Variants in PRSS33 observed in about 807,000 individuals in gnomAD.
PRSS33 encodes serine protease 33.
PRSS33 carries 32 observed loss-of-function variants against 26.7 expected under a neutral mutation model. The observed-to-expected ratio is 1.20, with a 90% CI of 0.90 to 1.61. The LOEUF (loss-of-function observed/expected upper bound fraction) is 1.61, where lower values mean the gene tolerates loss of function less well. Ranked by LOEUF, PRSS33 falls within the 40% of genes most tolerant of loss-of-function variation. The pLI, the probability that PRSS33 is intolerant of heterozygous loss-of-function variation, is 0.00. For synonymous variants in PRSS33, 192 were observed against 177.6 expected, an observed-to-expected ratio of 1.08 and a Z score of -0.64; for missense variants, 450 against 396.3, an observed-to-expected ratio of 1.14 and a Z score of -1.15.
In PRSS33 at chr16:2,785,822, C is replaced by T. The variant is rs1376793310; in HGVS notation, c.219G>A (p.Leu73=). 1 of 1,603,806 alleles carries T rather than the reference C, an allele frequency of 6.2e-7. No homozygotes were observed. The highest frequency in any genetic ancestry group is 1.1e-5 in the South Asian group (1 of 90,694). Residue 73 remains leucine, a synonymous_variant, in exon 4 of 7, where the codon CTG becomes CTA. Transcript: ENST00000682474. ...ACCTGGGGAAGCAGTGCGCCGCTGT[C>T]AGCACCCACTGGGGGGCGATGAGCG... The part of the protein sequence containing the change: ...GGSLIAPQWV[L]TAAHCFPRRA...
Position 2,786,527 on chromosome 16 carries a change from G to C in PRSS33, c.21C>G (p.Leu7=), listed in dbSNP as rs921926409. 2.5e-6 allele frequency: 4 copies of C among 1,613,402 alleles called. No individual in the cohort carries two copies. Among genetic ancestry groups the C allele is most frequent in the Admixed American group, 1.7e-5 (1 of 59,992 alleles). Residue 7 remains leucine, a synonymous_variant, in exon 2 of 7, where the codon CTC becomes CTG. Transcript: ENST00000682474. ...CCAGCACCAGAAGGAGCAGGACCTG[G>C]AGACAGGAAACCCCTCTCATTCTGT... The part of the protein sequence containing the change: MRGVSC[L]QVLLLLVLGA...
intron 1 of PRSS33, 104 bp from the exon 2 acceptor site, chr16:2,786,708 TG>T: frequency 1.3e-6 from 1 of 756,122 alleles, no homozygotes; most frequent in Non-Finnish European, 2.2e-6. Context: ...CCTCAGCTCC[TG>T]GTGGGTTCTG....
chr16:2,785,630 C>T lies in PRSS33; in HGVS notation c.259G>A (p.Glu87Lys), dbSNP rs899954831. 8 of 1,498,504 alleles carry T rather than the reference C, an allele frequency of 5.3e-6. No homozygotes were observed. The African/African-American group carries it at 7.0e-5, about 13-fold the overall frequency. 92.8% of individuals were successfully genotyped at this position (1,498,504 alleles called of 1,614,324 possible). The change falls in exon 5 of 7, where the codon GAG (glutamate) becomes AAG (lysine). Residue 87 changes from glutamate (E) to lysine (K), a missense_variant. Transcript: ENST00000682474. ...HCFPRRALPAEYRVRLGALRL... is the reference protein window; with the variant it reads ...HCFPRRALPAKYRVRLGALRL... ...AGCGCCCCCAGGCGCACGCGGTACT[C>T]AGCTGGCAGTGCCCTCCTGCAGGAC...
At chr16:2,786,362 G>T in intron 2 of PRSS33, 140 bp downstream of exon 2, 1 of 1,037,450 alleles carries the variant, frequency 9.6e-7, no homozygotes, top group Non-Finnish European at 1.4e-6. Flanking sequence ...AAGGTCAGTG[G>T]CAGAGAGGAT....
rs1264749044 is a variant in PRSS33 at position 2,784,528 on chromosome 16, T to A, written c.*116A>T. ...TGGGGGGTGGGGTGGCCTTTAGCTT[T>A]TTTAGGCATCTTGGCCTCGAGGCAG... On this transcript the variant is annotated 3_prime_UTR_variant, in exon 7 of 7. Transcript: ENST00000682474. 2.0e-6 allele frequency: 2 copies of A among 1,017,264 alleles called. No homozygotes were observed. The highest frequency in any genetic ancestry group is 3.0e-5 in the Admixed American group (1 of 33,530). 63.0% of individuals were successfully genotyped at this position (1,017,264 alleles called of 1,614,324 possible). A position where few individuals can be genotyped will look rare whatever the true frequency, so the allele number is the denominator to read the frequency against.
At position 2,785,779 on chromosome 16, in the gene PRSS33, G is replaced by T. The variant is rs1210438517; in HGVS notation, c.242+20C>A. ...TTGCCTTCCTTGCACACCCCGCCTGGGCCCTCGGTGAGCGCTGACCTGGGG... is the reference window on the plus strand; with the variant it reads ...TTGCCTTCCTTGCACACCCCGCCTGTGCCCTCGGTGAGCGCTGACCTGGGG... On this transcript the variant is annotated intron_variant, in intron 4 of 6. Coordinates refer to ENST00000682474, the MANE Select transcript of PRSS33 (RefSeq NM_152891.3). The T allele has an allele frequency of 1.9e-6, 3 of 1,570,564 alleles. No homozygotes were observed. The African/African-American group carries it at 4.1e-5, about 21-fold the overall frequency.
Position 2,786,456 on chromosome 16 carries a change from G to A in PRSS33, c.46+46C>T, listed in dbSNP as rs530208050. The A allele has an allele frequency of 1.5e-4, 249 of 1,609,472 alleles. 1 individual carries two copies. The South Asian group carries it at 2.4e-3, about 15-fold the overall frequency. ...GAGCAGTGAGATGGGAGAACTGGGA[G>A]CCAAGGTGTCTGCGGCCCTCACCCC... On this transcript the variant is annotated intron_variant, in intron 2 of 6. Coordinates refer to ENST00000682474, the MANE Select transcript of PRSS33 (RefSeq NM_152891.3).
At position 2,785,073 on chromosome 16, in the gene PRSS33, G is replaced by A. The variant is rs753869322; in HGVS notation, c.613C>T (p.Gln205Ter). ...GLYHVGADVP[Q>*]AERIVLPGSL... ...CCAGGCAGCACAATGCGCTCAGCCT[G>A]GGGCACGTCCGCGCCCACGTGGTAG... Residue 205 changes from glutamine to a stop codon, truncating the protein, a stop_gained, in exon 6 of 7, where the codon CAG (glutamine) becomes TAG (stop). Transcript: ENST00000682474. LOFTEE classifies it high-confidence loss of function. 13 of 1,572,524 alleles carry A rather than the reference G, an allele frequency of 8.3e-6. No individual in the cohort carries two copies. Among genetic ancestry groups the A allele is most frequent in the African/African-American group, 1.3e-5 (1 of 74,284 alleles).
intron 3 of PRSS33, 53 bp from the exon 4 acceptor site, chr16:2,786,014 G>A: frequency 6.2e-7 from 1 of 1,612,672 alleles, no homozygotes; most frequent in Non-Finnish European, 8.5e-7. Context: ...GGGCCTGGGA[G>A]GCAGGTGTTG....
chr16:2,785,435 C>A lies in PRSS33; in HGVS notation c.454G>T (p.Ala152Ser). ...VQPVCLPVPG[A>S]RPPPGTPCRV... is the part of the protein sequence containing the mutation. The stretch of plus-strand genomic sequence containing the variant: ...CATGGTGTGCCGGGCGGCGGGCGGG[C>A]GCCGGGCACGGGCAGGCAGACGGGT... The change falls in exon 5 of 7, where the codon GCC (alanine) becomes TCC (serine). Residue 152 changes from alanine to serine, a missense_variant. Coordinates refer to ENST00000682474, the MANE Select transcript of PRSS33 (RefSeq NM_152891.3). 1 of 1,468,222 alleles carries A rather than the reference C, an allele frequency of 6.8e-7. No homozygotes were observed. Among genetic ancestry groups the A allele is most frequent in the South Asian group, 1.3e-5 (1 of 75,004 alleles). 90.9% of individuals were successfully genotyped at this position (1,468,222 alleles called of 1,614,324 possible).
Position 2,784,515 on chromosome 16 carries a change from T to C in PRSS33, c.*129A>G. ...AGGAGGTGGTGGGTGGGGGGTGGGG[T>C]GGCCTTTAGCTTTTTTAGGCATCTT... On this transcript the variant is annotated 3_prime_UTR_variant, in exon 7 of 7. Transcript: ENST00000682474. The C allele has an allele frequency of 2.8e-6, 2 of 726,268 alleles. No homozygotes were observed. The highest frequency in any genetic ancestry group is 4.2e-6 in the Non-Finnish European group (2 of 472,488). 45.0% of individuals were successfully genotyped at this position (726,268 alleles called of 1,614,324 possible). A position where few individuals can be genotyped will look rare whatever the true frequency, so the allele number is the denominator to read the frequency against.
In PRSS33 at chr16:2,784,326, T is replaced by G; in HGVS notation, c.*318A>C. On this transcript the variant is annotated 3_prime_UTR_variant, in exon 7 of 7. Transcript: ENST00000682474. ...CACAGGCCAGATGGGCAGCAATTGG[T>G]TTGCCCATCACTGCGTGCCTTGCGC... 9.8e-6 allele frequency: 2 copies of G among 205,096 alleles called. No homozygotes were observed. The highest frequency in any genetic ancestry group is 9.9e-6 in the Non-Finnish European group (1 of 100,890). The allele number at this position is 205,096 out of a possible 1,614,324, so 12.7% of individuals were successfully genotyped here.
At position 2,784,614 on chromosome 16, in the gene PRSS33, C is replaced by T; in HGVS notation, c.*30G>A. On this transcript the variant is annotated 3_prime_UTR_variant, in exon 7 of 7. Coordinates refer to ENST00000682474, the MANE Select transcript of PRSS33 (RefSeq NM_152891.3). The stretch of plus-strand genomic sequence containing the variant: ...CCAGGAGGCTGAGGGACCCCAGCAG[C>T]TGGCTCCAGGTCAGCCTCACCGGCT... 6.5e-7 allele frequency: 1 copy of T among 1,543,224 alleles called. No individual in the cohort carries two copies. The highest frequency in any genetic ancestry group is 8.8e-7 in the Non-Finnish European group (1 of 1,140,240).
intron 5 of PRSS33, 24 bp downstream of exon 5, chr16:2,785,351 C>T: frequency 6.9e-7 from 1 of 1,445,522 alleles, no homozygotes; most frequent in Non-Finnish European, 9.0e-7. Flanking sequence ...CCGGATGCCT[C>T]GGAGCCCCGC....
rs767513752 is a variant in PRSS33, at chr16:2,786,549, C to T, written c.-2G>A. 2 of 1,613,340 alleles carry T rather than the reference C, an allele frequency of 1.2e-6. No individual in the cohort carries two copies. Among genetic ancestry groups the T allele is most frequent in the East Asian group, 2.2e-5 (1 of 44,868 alleles). ...CTGGAGACAGGAAACCCCTCTCATT[C>T]TGTCTTCAAGGCTGGGCTGGGTAAG... On this transcript the variant is annotated 5_prime_UTR_variant, in exon 2 of 7. Coordinates refer to ENST00000682474, the MANE Select transcript of PRSS33 (RefSeq NM_152891.3).
chr16:2,785,666 G>A lies in PRSS33; in HGVS notation c.243-20C>T, dbSNP rs1410103854. The A allele has an allele frequency of 2.7e-6, 4 of 1,472,670 alleles. No individual in the cohort carries two copies. The highest frequency in any genetic ancestry group is 2.5e-5 in the East Asian group (1 of 40,070). The allele number at this position is 1,472,670 out of a possible 1,614,324, so 91.2% of individuals were successfully genotyped here. ...GCCCTCCTGCAGGACAGGAGCGGGG[G>A]ACTACTTCCAGCACCGGGTCCTCGA... On this transcript the variant is annotated intron_variant, in intron 4 of 6. Transcript: ENST00000682474.
rs1281413197 is a variant in PRSS33 at position 2,784,447 on chromosome 16, TTGG to T, written c.*194_*196del. 2 of 457,618 alleles carry T rather than the reference TTGG, an allele frequency of 4.4e-6. No homozygotes were observed. The highest frequency in any genetic ancestry group is 8.3e-5 in the Admixed American group (2 of 24,168). 28.3% of individuals were successfully genotyped at this position (457,618 alleles called of 1,614,324 possible). ...CTCATGGCAGATTCCTGGATGAGGG[TTGG>T]TGGAGTCAGAGCTGGTGATCCCCAA... is the stretch of plus-strand genomic sequence containing the variant. On this transcript the variant is annotated 3_prime_UTR_variant, in exon 7 of 7. Transcript: ENST00000682474.
rs1369762268 is a variant in PRSS33, at chr16:2,784,043, A to C, written c.*601T>G. 6.6e-6 allele frequency: 1 copy of C among 152,344 alleles called. No individual in the cohort carries two copies. Among genetic ancestry groups the C allele is most frequent in the African/African-American group, 2.4e-5 (1 of 41,452 alleles). The allele number at this position is 152,344 out of a possible 1,614,324, so 9.4% of individuals were successfully genotyped here. On this transcript the variant is annotated 3_prime_UTR_variant, in exon 7 of 7. Coordinates refer to ENST00000682474, the MANE Select transcript of PRSS33 (RefSeq NM_152891.3). ...CTGCTTAGGGTCTCTTTAGGTTGAA[A>C]TGAAGGGATTGGCCGGCGGGGCTCT...
Position 2,785,459 on chromosome 16 carries a change from G to A in PRSS33, c.430C>T (p.Pro144Ser). 4.0e-6 allele frequency: 6 copies of A among 1,515,918 alleles called. No individual in the cohort carries two copies. The highest frequency in any genetic ancestry group is 2.1e-5 in the Admixed American group (1 of 48,522). 93.9% of individuals were successfully genotyped at this position (1,515,918 alleles called of 1,614,324 possible). The change falls in exon 5 of 7, where the codon CCC becomes TCC. Residue 144 changes from proline to serine, a missense_variant. Pro to Ser is a moderately conservative substitution (Grantham distance 74). Coordinates refer to ENST00000682474, the MANE Select transcript of PRSS33 (RefSeq NM_152891.3). ...RPVPLSARVQ[P>S]VCLPVPGARP... Reference sequence around the variant, plus strand: ...GCGCCGGGCACGGGCAGGCAGACGGGTTGGACGCGAGCGCTCAGGGGCACC... The same window carrying A: ...GCGCCGGGCACGGGCAGGCAGACGGATTGGACGCGAGCGCTCAGGGGCACC...
Sources: allele counts gnomAD v4.1 joint callset, GRCh38; gene constraint gnomAD v4.1.1; transcripts MANE v1.5; gene names NCBI Gene and HGNC (gene_info 2026-07-23, HGNC 2026-07-21).